PPM1L: variants seen among roughly 807,000 people sequenced by gnomAD.
The protein encoded by PPM1L is protein phosphatase, Mg2+/Mn2+ dependent 1L.
Under a neutral mutation model 31.4 loss-of-function variants are expected in PPM1L, and 13 were observed. The ratio of observed to expected loss-of-function variants is 0.41; its 90% CI spans 0.27 to 0.66. PPM1L has a LOEUF of 0.66. Ranked by LOEUF, PPM1L falls within the 30% of genes least tolerant of loss-of-function variation. The pLI is 0.29. For missense variants in PPM1L, 326 were observed against 453.7 expected, an observed-to-expected ratio of 0.72 and a Z score of 2.56; for synonymous variants, 184 against 175.4, an observed-to-expected ratio of 1.05 and a Z score of -0.39.
chr3:160,771,964 A>G (rs1032573690), intron 1 of PPM1L, among the ~76,000 whole-genome samples: 2 of 151,788 alleles, frequency 1.3e-5, no homozygotes, highest in Non-Finnish European at 2.9e-5. Flanking sequence ...CCTTTTCCCT[A>G]CTTTTCTGGA....
chr3:161,039,289 T>C (rs973879198), intron 2 of PPM1L, among the ~76,000 whole-genome samples: 12 of 152,202 alleles, frequency 7.9e-5, no homozygotes, highest in African/African-American at 2.7e-4. Context: ...TAGGACCCTT[T>C]TCCTGTAACA....
chr3:160,932,358 A>G (rs1355547870), intron 1 of PPM1L, among the ~76,000 whole-genome samples: 3 of 152,210 alleles, frequency 2.0e-5, no homozygotes, highest in Non-Finnish European at 4.4e-5. Flanking sequence ...TAGGAGACAT[A>G]GTGCTGGACA....
chr3:160,916,072 A>C (rs889160227), intron 1 of PPM1L, among the ~76,000 whole-genome samples: 22 of 152,206 alleles, frequency 1.4e-4, no homozygotes, highest in African/African-American at 4.6e-4. Flanking sequence ...ATCTAATTAA[A>C]CTCAGGAGCT....
At chr3:161,011,044 G>A in intron 2 of PPM1L, among the ~76,000 whole-genome samples, 1 of 152,082 alleles carries the variant, frequency 6.6e-6, no homozygotes, top group Non-Finnish European at 1.5e-5. Context: ...GTCAATTTTG[G>A]CTTTTGTTGC....
intron 1 of PPM1L, among the ~76,000 whole-genome samples, chr3:160,813,615 C>T (rs1712880209): frequency 6.6e-6 from 1 of 152,220 alleles, no homozygotes; most frequent in African/African-American, 2.4e-5. Flanking sequence ...GCTGGGATTA[C>T]AGGTGTGGGC....
intron 1 of PPM1L, among the ~76,000 whole-genome samples, chr3:160,835,067 C>CTTCTTCTTCTTCTTCTTCTTCTTCTTT (rs1560120540): frequency 4.0e-5 from 6 of 148,974 alleles, no homozygotes; most frequent in South Asian, 2.1e-4. Flanking sequence ...TCTTCTTCTT[C>CTTCTTCTTCTTCTTCTTCTTCTTCTTT]TTCTTCTTCT....
intron 2 of PPM1L, among the ~76,000 whole-genome samples, chr3:161,018,943 G>A (rs1032091802): frequency 2.0e-5 from 3 of 152,150 alleles, no homozygotes; most frequent in African/African-American, 7.2e-5. Flanking sequence ...CTGATAGATA[G>A]TTTAACTGGC....
intron 1 of PPM1L, among the ~76,000 whole-genome samples, chr3:160,953,753 A>G (rs74650944): frequency 0.017 from 2,617 of 152,286 alleles, 75 homozygotes; most frequent in African/African-American, 0.059. Context: ...TATTCCCTAA[A>G]ATATGGAGAG....
At chr3:161,011,025 A>G (rs1043109323) in intron 2 of PPM1L, among the ~76,000 whole-genome samples, 1 of 152,130 alleles carries the variant, frequency 6.6e-6, no homozygotes, top group African/African-American at 2.4e-5. Context: ...GTGTAATTAG[A>G]TCCCATTTGT....
intron 2 of PPM1L, among the ~76,000 whole-genome samples, chr3:161,043,274 C>G (rs1284778625): frequency 6.6e-6 from 1 of 152,006 alleles, no homozygotes; most frequent in Non-Finnish European, 1.5e-5. Flanking sequence ...TCTTATTTTT[C>G]AGTTTAAAAG....
In PPM1L at chr3:160,786,217, T is replaced by A. The variant is rs1190444818; in HGVS notation, c.399+29510T>A. On this transcript the variant is annotated intron_variant, in intron 1 of 3. Coordinates refer to ENST00000498165, the MANE Select transcript of PPM1L (RefSeq NM_139245.4). The stretch of plus-strand genomic sequence containing the variant: ...TATATATATATATATATTTTTTTTT[T>A]TTTTTTTTTTTTTTTTTTAAGACAG... Among the ~76,000 whole-genome samples the A allele has an allele frequency of 2.7e-3, 282 of 103,710 alleles. 1 individual carries two copies. Among genetic ancestry groups the A allele is most frequent in the African/African-American group, 7.8e-3 (167 of 21,546 alleles). 68.0% of individuals were successfully genotyped at this position (103,710 alleles called of 152,430 possible). A position where few individuals can be genotyped will look rare whatever the true frequency, so the allele number is the denominator to read the frequency against.
At chr3:160,937,253 T>C (rs997050730) in intron 1 of PPM1L, among the ~76,000 whole-genome samples, 2 of 152,202 alleles carry the variant, frequency 1.3e-5, no homozygotes, top group African/African-American at 4.8e-5. Context: ...TAATTTAAAT[T>C]CATTTAATAG....
At chr3:160,910,033 T>C (rs1395492115) in intron 1 of PPM1L, among the ~76,000 whole-genome samples, 1 of 152,184 alleles carries the variant, frequency 6.6e-6, no homozygotes, top group Non-Finnish European at 1.5e-5. Flanking sequence ...GTCATGAATA[T>C]TAACTATTTA....
chr3:160,839,032 T>A (rs2108103251), intron 1 of PPM1L, among the ~76,000 whole-genome samples: 1 of 152,336 alleles, frequency 6.6e-6, no homozygotes, highest in East Asian at 1.9e-4. Flanking sequence ...AAGACAGACC[T>A]ACACACTACT....
chr3:160,897,175 C>T (rs1365961959), intron 1 of PPM1L, among the ~76,000 whole-genome samples: 1 of 151,584 alleles, frequency 6.6e-6, no homozygotes, highest in Non-Finnish European at 1.5e-5. Flanking sequence ...CCCGAGCAGC[C>T]AGGATTACAG....
At chr3:161,045,069 T>G (rs1719018987) in intron 2 of PPM1L, among the ~76,000 whole-genome samples, 1 of 152,178 alleles carries the variant, frequency 6.6e-6, no homozygotes, top group African/African-American at 2.4e-5. Context: ...CAGGAAGAGC[T>G]AAATATCCTA....
chr3:161,023,590 G>A (rs1421757996), intron 2 of PPM1L, among the ~76,000 whole-genome samples: 1 of 151,878 alleles, frequency 6.6e-6, no homozygotes, highest in African/African-American at 2.4e-5. Flanking sequence ...TTGGTAATTT[G>A]GTAATTTTTT....
rs573962617 is a variant in PPM1L, at chr3:160,984,939, T to G, written c.574+23029T>G. Among the ~76,000 whole-genome samples, 24 of 152,184 alleles carry G rather than the reference T, an allele frequency of 1.6e-4. No homozygotes were observed. The South Asian group carries it at 2.5e-3, about 16-fold the overall frequency. ...GGGAGGGCTGGTGGTGTCTAGTGGGTAGAACCCAAGGATGCTGCTAAGTAA... is the reference window on the plus strand; with the variant it reads ...GGGAGGGCTGGTGGTGTCTAGTGGGGAGAACCCAAGGATGCTGCTAAGTAA... On this transcript the variant is annotated intron_variant, in intron 2 of 3. Transcript: ENST00000498165.
At chr3:161,065,818 G>A (rs1413572599) in intron 3 of PPM1L, among the ~76,000 whole-genome samples, 3 of 152,124 alleles carry the variant, frequency 2.0e-5, no homozygotes, top group Non-Finnish European at 2.9e-5. Context: ...TTTGGGCCCC[G>A]GGTTCTCACT....
Sources: allele counts gnomAD v4.1 joint callset (sites outside exome capture counted in the v4.1 genomes callset), GRCh38; gene constraint gnomAD v4.1.1; transcripts MANE v1.5; gene names NCBI Gene and HGNC (gene_info 2026-07-23, HGNC 2026-07-21).